CELSR1: variants seen among roughly 807,000 people sequenced by gnomAD.
The protein encoded by CELSR1 is adhesion G protein-coupled receptor C1.
A neutral mutation model predicts 249.1 loss-of-function variants in CELSR1; 110 were observed. The observed-to-expected ratio is 0.44, with a 90% CI of 0.38 to 0.52. CELSR1 has a LOEUF of 0.52. Ranked by LOEUF, CELSR1 falls within the 20% of genes least tolerant of loss-of-function variation. The pLI is 0.00. For missense variants in CELSR1, 4,109 were observed against 4,296.4 expected (o/e 0.96, Z 1.22); for synonymous variants, 2,113 against 1,900.0 (o/e 1.11, Z -2.92).
At chr22:46,496,229 T>A (rs986583699) in intron 1 of CELSR1, among the ~76,000 whole-genome samples, 1 of 150,732 alleles carries the variant, frequency 6.6e-6, no homozygotes, top group African/African-American at 2.4e-5. Flanking sequence ...TTGACTCTTT[T>A]GTAACAACAC....
chr22:46,464,074 G>A lies in CELSR1; in HGVS notation c.3816C>T (p.Gly1272=). Residue 1272 remains glycine (G), a synonymous_variant, in exon 2 of 35, where the codon GGC becomes GGT. Coordinates refer to ENST00000674500, the MANE Select transcript of CELSR1 (RefSeq NM_001378328.1). This position sits in a 1 kb window ranked among gnomAD's most constrained non-coding sequence, Gnocchi z 8.5. The part of the protein sequence containing the change: ...FSALLPGGVR[G]QFFPSEDLQE... Reference sequence around the variant, plus strand: ...GCAGGTCCTCCGACGGGAAGAACTGGCCGCGGACGCCGCCAGGCAGCAGCG... The same window carrying A: ...GCAGGTCCTCCGACGGGAAGAACTGACCGCGGACGCCGCCAGGCAGCAGCG... 6.2e-7 allele frequency: 1 copy of A among 1,613,778 alleles called. No individual in the cohort carries two copies. The highest frequency in any genetic ancestry group is 2.2e-5 in the East Asian group (1 of 44,882).
intron 5 of CELSR1, among the ~76,000 whole-genome samples, chr22:46,426,173 TG>T (rs965900931): frequency 9.9e-6 from 1 of 100,556 alleles, no homozygotes; most frequent in African/African-American, 6.1e-5. Context: ...AGCTGCAGCC[TG>T]GTGAGGTTGG....
chr22:46,425,462 A>G (rs1402128979), intron 5 of CELSR1, among the ~76,000 whole-genome samples: 1 of 152,200 alleles, frequency 6.6e-6, no homozygotes, highest in Non-Finnish European at 1.5e-5. Context: ...TTTCCTCAAT[A>G]GTGTATACAG....
At chr22:46,422,942 C>T (rs994849857) in intron 5 of CELSR1, among the ~76,000 whole-genome samples, 10 of 152,200 alleles carry the variant, frequency 6.6e-5, no homozygotes, top group African/African-American at 1.7e-4. Flanking sequence ...ATAAGGGCCA[C>T]GATGATGCCT....
rs2079615400 is a variant in CELSR1, at chr22:46,433,139, G to A, written c.4611+254C>T. ...CCTCCCAGGCTCAAGTGACTCTCCTGCCTCAGCCTCCTGAGTAGCTGGGAT... is the reference window on the plus strand; with the variant it reads ...CCTCCCAGGCTCAAGTGACTCTCCTACCTCAGCCTCCTGAGTAGCTGGGAT... On this transcript the variant is annotated intron_variant, in intron 5 of 34. Coordinates refer to ENST00000674500, the MANE Select transcript of CELSR1 (RefSeq NM_001378328.1). The surrounding 1 kb of genome is among the most constrained non-coding windows in gnomAD (Gnocchi z 5.7). 6.6e-6 allele frequency among the ~76,000 whole-genome samples: 1 copy of A among 151,998 alleles called. No individual in the cohort carries two copies. Among genetic ancestry groups the A allele is most frequent in the Non-Finnish European group, 1.5e-5 (1 of 67,998 alleles).
Position 46,410,833 on chromosome 22 carries a change from C to T in CELSR1, c.4770-272G>A, listed in dbSNP as rs555430723. On this transcript the variant is annotated intron_variant, in intron 6 of 34. Transcript: ENST00000674500. The surrounding 1 kb of genome is among the most constrained non-coding windows in gnomAD (Gnocchi z 6.8). The stretch of plus-strand genomic sequence containing the variant: ...CCCGCCCACCCAGGCTGGTCCACAC[C>T]GAGACAGGATGTGAGCGCAGGGAGC... 1.6e-4 allele frequency among the ~76,000 whole-genome samples: 25 copies of T among 152,128 alleles called. No homozygotes were observed. Among genetic ancestry groups the T allele is most frequent in the East Asian group, 1.6e-3 (8 of 5,160 alleles).
chr22:46,531,957 C>CAG (rs2080796331), intron 1 of CELSR1, among the ~76,000 whole-genome samples: 1 of 13,930 alleles, frequency 7.2e-5, no homozygotes, highest in African/African-American at 1.5e-4. Context: ...ATGACTGAGA[C>CAG]TGGATGACTA....
intron 27 of CELSR1, among the ~76,000 whole-genome samples, chr22:46,368,529 C>G (rs1326488332): frequency 2.0e-5 from 3 of 152,058 alleles, no homozygotes; most frequent in Non-Finnish European, 4.4e-5. Flanking sequence ...GACACCCAGC[C>G]CCTGCGCAAG....
chr22:46,397,640 C>T, intron 12 of CELSR1, 34 bp downstream of exon 12: 2 of 1,422,242 alleles, frequency 1.4e-6, no homozygotes. Flanking sequence ...AGAGACCTCC[C>T]TGTCACTGAA....
rs563896982 is a variant in CELSR1, at chr22:46,435,943, C to T, written c.4522+231G>A. Among the ~76,000 whole-genome samples, 27 of 152,264 alleles carry T rather than the reference C, an allele frequency of 1.8e-4. No individual in the cohort carries two copies. In the Middle Eastern group the frequency reaches 0.01, roughly 58 times the overall value. ...CTCGATCTCGTGACCTTGTGATTCA[C>T]CCACCTCGGCCTCCCAAAGTGCTGG... is the stretch of plus-strand genomic sequence containing the variant. On this transcript the variant is annotated intron_variant, in intron 4 of 34. Transcript: ENST00000674500.
intron 27 of CELSR1, among the ~76,000 whole-genome samples, chr22:46,368,451 C>T (rs2078812517): frequency 6.6e-6 from 1 of 152,006 alleles, no homozygotes; most frequent in South Asian, 2.1e-4. Flanking sequence ...CACTGCCTCT[C>T]CCTCTCTGCC....
chr22:46,432,112 A>G (rs1418520114), intron 5 of CELSR1, among the ~76,000 whole-genome samples: 3 of 152,096 alleles, frequency 2.0e-5, no homozygotes, highest in Non-Finnish European at 4.4e-5. Flanking sequence ...AGAGGACAAA[A>G]ACTATGGTCT....
rs1468515324 is a variant in CELSR1 at position 46,488,960 on chromosome 22, A to G, written c.3545-24615T>C. ...AGGCGGAAGCCACCACGCCCAGCCC[A>G]GCCCTGCCCTTTTGAGCATGCAGCA... On this transcript the variant is annotated intron_variant, in intron 1 of 34. Transcript: ENST00000674500. This position sits in a 1 kb window ranked among gnomAD's most constrained non-coding sequence, Gnocchi z 4.7. Among the ~76,000 whole-genome samples, 1 of 152,010 alleles carries G rather than the reference A, an allele frequency of 6.6e-6. No homozygotes were observed. The highest frequency in any genetic ancestry group is 2.4e-5 in the African/African-American group (1 of 41,400).
At position 46,384,607 on chromosome 22, in the gene CELSR1, G is replaced by C; in HGVS notation, c.6819C>G (p.Phe2273Leu). The C allele has an allele frequency of 1.9e-6, 3 of 1,613,784 alleles. No homozygotes were observed. The highest frequency in any genetic ancestry group is 1.7e-6 in the Non-Finnish European group (2 of 1,179,908). ...VPRFDTIHEEFPRELESSVSF... is the reference protein window; with the variant it reads ...VPRFDTIHEELPRELESSVSF... ...AGACGGAGGACTCCAGCTCCCTGGG[G>C]AACTCTTCATGGATGGTGTCGAATC... The change falls in exon 20 of 35, where the codon TTC becomes TTG. Residue 2273 changes from phenylalanine to leucine, a missense_variant. Physicochemically the swap from Phe to Leu is conservative, Grantham distance 22. This residue lies in a region of CELSR1 where 1,805 missense variants were observed against 1,831.6 expected (regional missense o/e 0.99). Coordinates refer to ENST00000674500, the MANE Select transcript of CELSR1 (RefSeq NM_001378328.1).
At chr22:46,483,702 T>A (rs777559902) in intron 1 of CELSR1, among the ~76,000 whole-genome samples, 2 of 152,062 alleles carry the variant, frequency 1.3e-5, no homozygotes, top group Non-Finnish European at 2.9e-5. Context: ...GCTACCCCAG[T>A]GACAAGGGAT....
In CELSR1 at chr22:46,423,079, C is replaced by T. The variant is rs9616003; in HGVS notation, c.4611+10314G>A. On this transcript the variant is annotated intron_variant, in intron 5 of 34. Coordinates refer to ENST00000674500, the MANE Select transcript of CELSR1 (RefSeq NM_001378328.1). This position sits in a 1 kb window ranked among gnomAD's most constrained non-coding sequence, Gnocchi z 5.6. ...AACAGGACATCAGGGCACAAGGACA[C>T]GAGATAAGGCCTGGAAAGCACCGTG... 0.088 allele frequency among the ~76,000 whole-genome samples: 13,454 copies of T among 152,132 alleles called. 1,109 individuals carry two copies. Among genetic ancestry groups the T allele is most frequent in the African/African-American group, 0.22 (9,024 of 41,492 alleles).
chr22:46,462,283 AC>A (rs2080038637), intron 2 of CELSR1, among the ~76,000 whole-genome samples: 1 of 152,124 alleles, frequency 6.6e-6, no homozygotes, highest in South Asian at 2.1e-4. Context: ...CCTTCCTTCC[AC>A]CTGCCATATG....
Position 46,517,531 on chromosome 22 carries a change from T to C in CELSR1, c.3544+16096A>G, listed in dbSNP as rs1414599050. ...CCGGCGCCCCAGGCCGGCTCTTGTC[T>C]TGGTACCTCTGTCCACAGTAAGGTG... On this transcript the variant is annotated intron_variant, in intron 1 of 34. Coordinates refer to ENST00000674500, the MANE Select transcript of CELSR1 (RefSeq NM_001378328.1). The surrounding 1 kb of genome is among the most constrained non-coding windows in gnomAD (Gnocchi z 5.4). 6.6e-6 allele frequency among the ~76,000 whole-genome samples: 1 copy of C among 152,188 alleles called. No individual in the cohort carries two copies. The highest frequency in any genetic ancestry group is 1.5e-5 in the Non-Finnish European group (1 of 68,020).
intron 1 of CELSR1, among the ~76,000 whole-genome samples, chr22:46,508,194 G>A (rs1020556006): frequency 1.4e-5 from 2 of 147,786 alleles, no homozygotes; most frequent in African/African-American, 2.5e-5. Flanking sequence ...ACCCACTCTC[G>A]CCACTCTCGC....
Sources: gnomAD v4.1 joint callset for allele counts (sites outside exome capture counted in the v4.1 genomes callset) on GRCh38, gnomAD v4.1.1 for gene constraint, gnomAD v4.1.1 regional missense constraint, Gnocchi (gnomAD v3.1) non-coding constraint, MANE v1.5 for transcripts, NCBI Gene and HGNC (gene_info 2026-07-23, HGNC 2026-07-21) for gene names.